SNX31: variants seen among roughly 807,000 people sequenced by gnomAD.
SNX31 encodes the protein sorting nexin 31, also known as sorting nexin-31.
Under a neutral mutation model 65.4 loss-of-function variants are expected in SNX31, and 58 were observed. The ratio of observed to expected loss-of-function variants is 0.89; its 90% CI spans 0.72 to 1.10. The LOEUF is 1.10. Ranked by LOEUF, SNX31 falls within the 50% of genes least tolerant of loss-of-function variation. The pLI, the probability that SNX31 is intolerant of heterozygous loss-of-function variation, is 0.00. For synonymous variants in SNX31, 181 were observed against 190.1 expected (o/e 0.95, Z 0.39); for missense variants, 523 against 529.7 (o/e 0.99, Z 0.12).
intron 4 of SNX31, chr8:100,618,058 G>A (rs1817383679): frequency 2.0e-6 from 2 of 984,740 alleles, no homozygotes; most frequent in Non-Finnish European, 2.4e-6. Flanking sequence ...GAGCCACCAC[G>A]CCCGGCCTCC....
At chr8:100,655,158 C>T (rs2131313042) in intron 1 of SNX31, among the ~76,000 whole-genome samples, 1 of 152,244 alleles carries the variant, frequency 6.6e-6, no homozygotes, top group African/African-American at 2.4e-5. Flanking sequence ...CGGTCTGCCA[C>T]AACAGCACAC....
chr8:100,586,254 AG>A (rs1814038507), intron 11 of SNX31, among the ~76,000 whole-genome samples: 1 of 152,234 alleles, frequency 6.6e-6, no homozygotes, highest in South Asian at 2.1e-4. Context: ...GGTCTCAAAA[AG>A]ATTTGGGCCC....
intron 4 of SNX31, among the ~76,000 whole-genome samples, chr8:100,627,787 T>G (rs745576408): frequency 1.2e-4 from 18 of 152,054 alleles, no homozygotes; most frequent in Non-Finnish European, 2.2e-4. Flanking sequence ...TCCGCCCACC[T>G]CAGCCTCCCA....
chr8:100,654,105 C>G (rs1485390095), upstream of SNX31, among the ~76,000 whole-genome samples: 1 of 152,112 alleles, frequency 6.6e-6, no homozygotes, highest in African/African-American at 2.4e-5. Flanking sequence ...TCCCCAGGCT[C>G]AGGTGATCCT....
chr8:100,617,130 T>C (rs1817279141), intron 5 of SNX31, among the ~76,000 whole-genome samples: 1 of 152,132 alleles, frequency 6.6e-6, no homozygotes. Flanking sequence ...CTACAACTCA[T>C]GTCTGGGCCC....
At chr8:100,632,537 T>G (rs1272248110) in intron 3 of SNX31, among the ~76,000 whole-genome samples, 1 of 152,110 alleles carries the variant, frequency 6.6e-6, no homozygotes, top group Non-Finnish European at 1.5e-5. Flanking sequence ...AAGATATATA[T>G]TTTTTAAGAG....
intron 2 of SNX31, 61 bp from the exon 3 acceptor site, chr8:100,636,072 T>C: frequency 1.6e-6 from 2 of 1,250,474 alleles, no homozygotes; most frequent in Non-Finnish European, 2.3e-6. Context: ...TTGATGAGAT[T>C]ACTAAAGTCT....
intron 12 of SNX31, among the ~76,000 whole-genome samples, 185 bp from the exon 13 acceptor site, chr8:100,577,260 C>T (rs1427511723): frequency 6.6e-6 from 1 of 152,202 alleles, no homozygotes; most frequent in Non-Finnish European, 1.5e-5. Flanking sequence ...CTAAATGTTA[C>T]AGAAATAGAG....
At position 100,594,412 on chromosome 8, in the gene SNX31, T is replaced by C. The variant is rs547644482; in HGVS notation, c.978+2227A>G. Among the ~76,000 whole-genome samples the C allele has an allele frequency of 6.6e-6, 1 of 152,126 alleles. No homozygotes were observed. Among genetic ancestry groups the C allele is most frequent in the South Asian group, 2.1e-4 (1 of 4,828 alleles). On this transcript the variant is annotated intron_variant, in intron 10 of 13. Coordinates refer to ENST00000311812, the MANE Select transcript of SNX31 (RefSeq NM_152628.4). This position sits in a 1 kb window ranked among gnomAD's most constrained non-coding sequence, Gnocchi z 4.0. ...AACCAGATGGCCAACAAAGAACAAG[T>C]ATCTAGAATACATAAAGAACTCTCA...
intron 10 of SNX31, among the ~76,000 whole-genome samples, chr8:100,596,368 A>G (rs1586891401): frequency 6.6e-6 from 1 of 152,160 alleles, no homozygotes; most frequent in Non-Finnish European, 1.5e-5. Context: ...TGTTATTGCC[A>G]TCTGCTGTTA....
At chr8:100,640,984 A>G (rs924317769) in intron 2 of SNX31, among the ~76,000 whole-genome samples, 5 of 152,200 alleles carry the variant, frequency 3.3e-5, no homozygotes, top group African/African-American at 1.2e-4. Context: ...TGTTAATTGT[A>G]ATGAATGCAC....
chr8:100,624,771 T>TA (rs1391107509), intron 4 of SNX31, among the ~76,000 whole-genome samples: 1 of 152,096 alleles, frequency 6.6e-6, no homozygotes, highest in Non-Finnish European at 1.5e-5. Context: ...TTGGCTTGTA[T>TA]AAAAAAACAA....
chr8:100,587,241 G>A (rs542935983), intron 11 of SNX31, among the ~76,000 whole-genome samples: 15 of 152,218 alleles, frequency 9.9e-5, no homozygotes, highest in Non-Finnish European at 1.5e-4. Flanking sequence ...AGTCTACTGC[G>A]GGGTTTCTGG....
At chr8:100,606,768 C>CTATTAA (rs1816202275) in intron 8 of SNX31, among the ~76,000 whole-genome samples, 1 of 152,248 alleles carries the variant, frequency 6.6e-6, no homozygotes, top group Non-Finnish European at 1.5e-5. Context: ...GCTACATCCT[C>CTATTAA]TATTAATCCA....
intron 2 of SNX31, among the ~76,000 whole-genome samples, chr8:100,642,421 A>T (rs1819323592): frequency 6.6e-6 from 1 of 152,230 alleles, no homozygotes; most frequent in South Asian, 2.1e-4. Context: ...TGAGTTATCC[A>T]TCTGCAAGAC....
intron 1 of SNX31, among the ~76,000 whole-genome samples, chr8:100,661,833 GT>G (rs540070227): frequency 6.6e-6 from 1 of 150,994 alleles, no homozygotes; most frequent in Admixed American, 6.6e-5. Context: ...TCCAGCCACT[GT>G]TTTTTTTTGA....
chr8:100,618,440 C>G (rs1817426718), intron 4 of SNX31: 5 of 844,634 alleles, frequency 5.9e-6, no homozygotes, highest in Middle Eastern at 2.2e-4. Flanking sequence ...AACCAATTCT[C>G]CAGTTCTTGA....
At position 100,628,562 on chromosome 8, in the gene SNX31, G is replaced by A. The variant is rs1490278893; in HGVS notation, c.321+1765C>T. Among the ~76,000 whole-genome samples the A allele has an allele frequency of 2.0e-5, 3 of 151,444 alleles. No individual in the cohort carries two copies. In the East Asian group the frequency reaches 5.8e-4, roughly 29 times the overall value. On this transcript the variant is annotated intron_variant, in intron 4 of 13. Coordinates refer to ENST00000311812, the MANE Select transcript of SNX31 (RefSeq NM_152628.4). ...CAATGAGAACACATGGACACAGGAA[G>A]GGGAACATCACACACTGGGGACTGT...
Position 100,573,913 on chromosome 8 carries a change from T to C in SNX31, c.1275A>G (p.Ile425Met). The C allele has an allele frequency of 6.3e-7, 1 of 1,592,400 alleles. No homozygotes were observed. Among genetic ancestry groups the C allele is most frequent in the South Asian group, 1.1e-5 (1 of 87,670 alleles). The change falls in exon 14 of 14, where the codon ATA (isoleucine) becomes ATG (methionine). Residue 425 changes from isoleucine (I) to methionine (M), a missense_variant. Coordinates refer to ENST00000311812, the MANE Select transcript of SNX31 (RefSeq NM_152628.4). The stretch of plus-strand genomic sequence containing the variant: ...TCCCAAAAACGCAGTCATCTTTAGC[T>C]ATCTTAATCTTGCTTTTTCTTGATA... ...SFLSRKSKIK[I>M]AKDDCVFGNI...
Sources: allele counts gnomAD v4.1 joint callset (sites outside exome capture counted in the v4.1 genomes callset), GRCh38; gene constraint gnomAD v4.1.1; non-coding constraint Gnocchi (gnomAD v3.1); transcripts MANE v1.5; gene names NCBI Gene and HGNC (gene_info 2026-07-23, HGNC 2026-07-21).